Variants in GRM3 observed in about 807,000 individuals in gnomAD.
GRM3 encodes metabotropic glutamate receptor 3.
Under a neutral mutation model 70.5 loss-of-function variants are expected in GRM3, and 26 were observed. The observed-to-expected ratio is 0.37, with a 90% CI of 0.27 to 0.51. The LOEUF (loss-of-function observed/expected upper bound fraction) is 0.51. Ranked by LOEUF, GRM3 falls within the 20% of genes least tolerant of loss-of-function variation. The pLI, the probability that GRM3 is intolerant of heterozygous loss-of-function variation, is 0.93. For missense variants in GRM3, 859 were observed against 1,123.8 expected (o/e 0.76, Z 3.37); for synonymous variants, 443 against 434.9 (o/e 1.02, Z -0.23).
intron 2 of GRM3, among the ~76,000 whole-genome samples, chr7:86,781,367 A>T (rs933800930): frequency 7.9e-5 from 12 of 152,186 alleles, no homozygotes; most frequent in African/African-American, 2.7e-4. Context: ...AAACCACTTA[A>T]TAATCCGTCT....
chr7:86,822,587 T>C (rs895761121), intron 3 of GRM3, among the ~76,000 whole-genome samples: 2 of 152,144 alleles, frequency 1.3e-5, no homozygotes, highest in Non-Finnish European at 2.9e-5. Context: ...GCACTTAGGT[T>C]CTGTCATGGA....
At chr7:86,764,804 G>C (rs929034689) in intron 1 of GRM3, among the ~76,000 whole-genome samples, 2 of 152,112 alleles carry the variant, frequency 1.3e-5, no homozygotes, top group African/African-American at 2.4e-5. Context: ...ATTTCTGTGA[G>C]ATGGGACCAC....
chr7:86,695,596 C>T (rs1794797687), intron 1 of GRM3, among the ~76,000 whole-genome samples: 1 of 152,136 alleles, frequency 6.6e-6, no homozygotes, highest in South Asian at 2.1e-4. Context: ...CATGAACTCC[C>T]GTTTACTTGC....
At chr7:86,850,888 C>T (rs1798743437) in intron 5 of GRM3, among the ~76,000 whole-genome samples, 2 of 152,240 alleles carry the variant, frequency 1.3e-5, no homozygotes, top group Non-Finnish European at 2.9e-5. Flanking sequence ...ACAAGTCACT[C>T]TATTGCTTTC....
chr7:86,703,281 C>T (rs746854477), intron 1 of GRM3, among the ~76,000 whole-genome samples: 2 of 151,986 alleles, frequency 1.3e-5, no homozygotes, highest in Non-Finnish European at 2.9e-5. Flanking sequence ...CAATATCCCA[C>T]TCACTAAGAT....
intron 3 of GRM3, among the ~76,000 whole-genome samples, chr7:86,836,020 A>T (rs960841820): frequency 1.3e-5 from 2 of 152,228 alleles, no homozygotes; most frequent in Non-Finnish European, 2.9e-5. Context: ...AAATATTAAG[A>T]TACAACCAGA....
At chr7:86,838,269 A>C (rs1798495402) in intron 3 of GRM3, among the ~76,000 whole-genome samples, 1 of 152,260 alleles carries the variant, frequency 6.6e-6, no homozygotes, top group Non-Finnish European at 1.5e-5. Flanking sequence ...ATATTAAACT[A>C]TCAGAGTTGA....
rs546871524 is a variant in GRM3 at position 86,760,408 on chromosome 7, C to A, written c.-140-4598C>A. 3.9e-5 allele frequency among the ~76,000 whole-genome samples: 6 copies of A among 152,196 alleles called. No individual in the cohort carries two copies. In the South Asian group the frequency reaches 1.2e-3, roughly 32 times the overall value. ...AGAGAGGGCTACACATGCTTGTTTA[C>A]AGTTGACGCATCACTCATCATCCCC... On this transcript the variant is annotated intron_variant, in intron 1 of 5. Coordinates refer to ENST00000361669, the MANE Select transcript of GRM3 (RefSeq NM_000840.3).
chr7:86,711,308 A>T (rs566509844), intron 1 of GRM3, among the ~76,000 whole-genome samples: 1 of 152,148 alleles, frequency 6.6e-6, no homozygotes, highest in South Asian at 2.1e-4. Flanking sequence ...GCAAATCCTA[A>T]TACGGAACAA....
At chr7:86,655,419 GA>G (rs1283531132) in intron 1 of GRM3, among the ~76,000 whole-genome samples, 5 of 151,956 alleles carry the variant, frequency 3.3e-5, no homozygotes, top group Non-Finnish European at 1.5e-5. Flanking sequence ...GTAAATTGTG[GA>G]ATAAAATAAA....
chr7:86,796,477 A>G (rs1797553326), intron 3 of GRM3, among the ~76,000 whole-genome samples: 1 of 152,152 alleles, frequency 6.6e-6, no homozygotes, highest in South Asian at 2.1e-4. Context: ...CTTGTTGTAT[A>G]GTTTGAAGTC....
intron 1 of GRM3, among the ~76,000 whole-genome samples, chr7:86,712,550 G>C (rs986264579): frequency 2.4e-4 from 36 of 151,824 alleles, no homozygotes; most frequent in Admixed American, 2.0e-3. Context: ...GTAAACTATA[G>C]TTACCCTATA....
At chr7:86,744,463 CA>C (rs1796058655) in intron 1 of GRM3, among the ~76,000 whole-genome samples, 1 of 151,762 alleles carries the variant, frequency 6.6e-6, no homozygotes, top group South Asian at 2.1e-4. Context: ...AAGAACTTTC[CA>C]AGACTAGGCC....
chr7:86,651,484 G>A (rs1793604785), intron 1 of GRM3, among the ~76,000 whole-genome samples: 1 of 152,146 alleles, frequency 6.6e-6, no homozygotes, highest in Admixed American at 6.5e-5. Context: ...TCTGAGAGAT[G>A]GCACTACAAG....
At chr7:86,728,145 G>C (rs1795635567) in intron 1 of GRM3, among the ~76,000 whole-genome samples, 1 of 151,876 alleles carries the variant, frequency 6.6e-6, no homozygotes, top group Non-Finnish European at 1.5e-5. Context: ...ATTAATACAA[G>C]GCCCAGCTCC....
intron 1 of GRM3, among the ~76,000 whole-genome samples, chr7:86,654,922 C>T (rs769321374): frequency 5.3e-5 from 8 of 152,024 alleles, no homozygotes; most frequent in Non-Finnish European, 1.0e-4. Flanking sequence ...AGAACAAATA[C>T]AGTGTGAAGA....
At chr7:86,664,004 C>T (rs1793962500) in intron 1 of GRM3, among the ~76,000 whole-genome samples, 1 of 151,788 alleles carries the variant, frequency 6.6e-6, no homozygotes, top group Admixed American at 6.6e-5. Context: ...ATAATGGCAC[C>T]TATGAGCAAC....
chr7:86,694,511 C>CAAAAAAAAAAAAAAAAA (rs1226119828), intron 1 of GRM3, among the ~76,000 whole-genome samples: 5 of 37,744 alleles, frequency 1.3e-4, no homozygotes, highest in African/African-American at 2.9e-4. Flanking sequence ...GACTCTGTCT[C>CAAAAAAAAAAAAAAAAA]AAAAAAAAAA....
chr7:86,848,678 G>A (rs543486522), intron 4 of GRM3, among the ~76,000 whole-genome samples: 1 of 152,186 alleles, frequency 6.6e-6, no homozygotes, highest in South Asian at 2.1e-4. Flanking sequence ...ATGCATAATG[G>A]TTTTTGTGTG....
Sources: allele counts gnomAD v4.1 joint callset (sites outside exome capture counted in the v4.1 genomes callset), GRCh38; gene constraint gnomAD v4.1.1; transcripts MANE v1.5; gene names NCBI Gene and HGNC (gene_info 2026-07-23, HGNC 2026-07-21).